The following GRM5 variants were observed in gnomAD, a reference collection of about 807,000 sequenced individuals.
The protein encoded by GRM5 is glutamate metabotropic receptor 5.
A neutral mutation model predicts 83.1 loss-of-function variants in GRM5; 19 were observed. The observed-to-expected ratio is 0.23, with a 90% confidence interval of 0.16 to 0.34. The LOEUF (loss-of-function observed/expected upper bound fraction) is 0.34, where lower values mean the gene tolerates loss of function less well. Among genes scored for constraint, GRM5 ranks in the 10% least tolerant of loss-of-function variants. GRM5 has a pLI of 1.00. For missense variants in GRM5, 1,160 were observed against 1,588.3 expected, an observed-to-expected ratio of 0.73 and a Z score of 4.58; for synonymous variants, 675 against 633.6, an observed-to-expected ratio of 1.07 and a Z score of -0.98.
At chr11:88,941,286 C>T (rs970908829) in intron 2 of GRM5, among the ~76,000 whole-genome samples, 1 of 151,206 alleles carries the variant, frequency 6.6e-6, no homozygotes, top group Non-Finnish European at 1.5e-5. Flanking sequence ...ATTAACAAAA[C>T]TGGAACACTC....
intron 1 of GRM5, among the ~76,000 whole-genome samples, chr11:89,048,649 A>T (rs960026049): frequency 6.6e-6 from 1 of 152,192 alleles, no homozygotes; most frequent in African/African-American, 2.4e-5. Flanking sequence ...ATAAATAAGT[A>T]TTGTCTAATT....
chr11:88,637,235 A>T (rs773347681), intron 4 of GRM5, among the ~76,000 whole-genome samples: 223 of 152,156 alleles, frequency 1.5e-3, no homozygotes, highest in Non-Finnish European at 2.7e-3. Flanking sequence ...ATTCAGGACA[A>T]AGGCATGGGC....
intron 3 of GRM5, among the ~76,000 whole-genome samples, chr11:88,656,182 G>A (rs1247925092): frequency 6.6e-6 from 1 of 151,612 alleles, no homozygotes; most frequent in African/African-American, 2.4e-5. Flanking sequence ...GAAAACAAAC[G>A]GATAAAGATG....
chr11:88,563,719 G>T (rs4471422), intron 8 of GRM5, among the ~76,000 whole-genome samples: 8,200 of 152,184 alleles, frequency 0.054, 701 homozygotes, highest in African/African-American at 0.18. Flanking sequence ...GCACAACTCA[G>T]GGAAGCAATT....
intron 2 of GRM5, among the ~76,000 whole-genome samples, chr11:88,875,881 G>A (rs1944845271): frequency 1.3e-5 from 2 of 152,194 alleles, no homozygotes; most frequent in East Asian, 1.9e-4. Context: ...CAGATATGCT[G>A]TCATCCAGGC....
At chr11:88,660,002 T>G (rs1363054156) in intron 3 of GRM5, among the ~76,000 whole-genome samples, 1 of 152,198 alleles carries the variant, frequency 6.6e-6, no homozygotes, top group East Asian at 1.9e-4. Flanking sequence ...AGTCTCAATG[T>G]TTTATTCATT....
rs182734592 is a variant in GRM5, at chr11:88,685,511, A to G, written c.912-32108T>C. On this transcript the variant is annotated intron_variant, in intron 3 of 9. Coordinates refer to ENST00000305447, the MANE Select transcript of GRM5 (RefSeq NM_001143831.3). Reference sequence around the variant, plus strand: ...CCAGCTGCAGAAATTTGCATAAGTAACAAGGAGCCAAATGTTAATCCCCAA... The same window carrying G: ...CCAGCTGCAGAAATTTGCATAAGTAGCAAGGAGCCAAATGTTAATCCCCAA... 9.3e-3 allele frequency among the ~76,000 whole-genome samples: 1,424 copies of G among 152,334 alleles called. 13 individuals carry two copies. Among genetic ancestry groups the G allele is most frequent in the South Asian group, 0.046 (224 of 4,826 alleles).
chr11:88,646,303 C>A (rs1316837495), intron 4 of GRM5, among the ~76,000 whole-genome samples: 1 of 151,930 alleles, frequency 6.6e-6, no homozygotes, highest in Non-Finnish European at 1.5e-5. Context: ...CTTAATACTT[C>A]TTATTACTTT....
At chr11:88,718,266 A>C (rs1797886746) in intron 3 of GRM5, among the ~76,000 whole-genome samples, 1 of 151,978 alleles carries the variant, frequency 6.6e-6, no homozygotes, top group African/African-American at 2.4e-5. Flanking sequence ...AGCAAAGGTC[A>C]TATCATCTTA....
intron 3 of GRM5, among the ~76,000 whole-genome samples, chr11:88,702,896 C>A (rs781110144): frequency 1.2e-4 from 18 of 152,054 alleles, no homozygotes; most frequent in Non-Finnish European, 2.5e-4. Flanking sequence ...AGGAAACTAA[C>A]CCTGCTAACC....
intron 3 of GRM5, among the ~76,000 whole-genome samples, chr11:88,693,847 A>G (rs1318440992): frequency 6.9e-6 from 1 of 143,972 alleles, no homozygotes; most frequent in African/African-American, 2.9e-5. Flanking sequence ...GTGTGGGAAA[A>G]ATACATTCCT....
intron 3 of GRM5, among the ~76,000 whole-genome samples, chr11:88,800,475 C>A (rs911733749): frequency 3.3e-5 from 5 of 151,876 alleles, no homozygotes; most frequent in African/African-American, 7.2e-5. Context: ...TTATCTATTT[C>A]CAGTAGTAAA....
At chr11:88,687,695 C>A (rs541299991) in intron 3 of GRM5, among the ~76,000 whole-genome samples, 1 of 142,386 alleles carries the variant, frequency 7.0e-6, no homozygotes, top group Admixed American at 7.4e-5. Context: ...TGGTAATTTT[C>A]AATACTATAT....
At chr11:89,029,283 T>A (rs1941204566) in intron 2 of GRM5, among the ~76,000 whole-genome samples, 1 of 152,204 alleles carries the variant, frequency 6.6e-6, no homozygotes, top group Non-Finnish European at 1.5e-5. Flanking sequence ...GTAGAAACAC[T>A]GTTAAAAAAT....
Position 89,019,703 on chromosome 11 carries a change from G to A in GRM5, c.661+27509C>T, listed in dbSNP as rs114206976. Among the ~76,000 whole-genome samples, 462 of 152,196 alleles carry A rather than the reference G, an allele frequency of 3.0e-3. 1 individual carries two copies. The highest frequency in any genetic ancestry group is 0.011 in the African/African-American group (439 of 41,516). On this transcript the variant is annotated intron_variant, in intron 2 of 9. Coordinates refer to ENST00000305447, the MANE Select transcript of GRM5 (RefSeq NM_001143831.3). ...AGCCTGGGCAACAGAGCAAAACTCT[G>A]TCAAACAACAACAACAACAAACATA... is the stretch of plus-strand genomic sequence containing the variant.
Position 88,813,105 on chromosome 11 carries a change from G to A in GRM5, c.911+36801C>T, listed in dbSNP as rs1440185462. On this transcript the variant is annotated intron_variant, in intron 3 of 9. Coordinates refer to ENST00000305447, the MANE Select transcript of GRM5 (RefSeq NM_001143831.3). ...TAATATTTTCTCTTTGTGCATTTCA[G>A]TACATTGCTTTAGTATTCTAATGTC... 2.6e-5 allele frequency among the ~76,000 whole-genome samples: 4 copies of A among 152,172 alleles called. No homozygotes were observed. The East Asian group carries it at 7.7e-4, about 29-fold the overall frequency.
intron 2 of GRM5, among the ~76,000 whole-genome samples, chr11:88,874,364 A>G (rs2135565151): frequency 6.6e-6 from 1 of 152,002 alleles, no homozygotes; most frequent in South Asian, 2.1e-4. Context: ...ATAAAGGGTG[A>G]TGATAAAACT....
At chr11:88,562,693 C>T (rs1465451197) in intron 8 of GRM5, among the ~76,000 whole-genome samples, 10 of 152,120 alleles carry the variant, frequency 6.6e-5, no homozygotes, top group Admixed American at 6.6e-4. Flanking sequence ...ACTGCTACCA[C>T]CGTGACTACT....
chr11:89,028,946 C>A (rs905099624), intron 2 of GRM5, among the ~76,000 whole-genome samples: 3 of 151,836 alleles, frequency 2.0e-5, no homozygotes, highest in Non-Finnish European at 2.9e-5. Flanking sequence ...CAGTCCCCCA[C>A]CCCCCTACGT....
Sources: allele counts gnomAD v4.1 joint callset (sites outside exome capture counted in the v4.1 genomes callset), GRCh38; gene constraint gnomAD v4.1.1; transcripts MANE v1.5; gene names NCBI Gene and HGNC (gene_info 2026-07-23, HGNC 2026-07-21).